MBD5: variants seen among roughly 807,000 people sequenced by gnomAD.
MBD5 encodes the protein methyl-CpG binding domain protein 5, also known as methyl-CpG-binding domain protein 5.
In MBD5, 13 loss-of-function variants were observed where a neutral mutation model predicts 117.3. The observed-to-expected ratio is 0.11, with a 90% confidence interval of 0.07 to 0.18. The LOEUF (loss-of-function observed/expected upper bound fraction) is 0.18, where lower values mean the gene tolerates loss of function less well. Ranked by LOEUF, MBD5 falls within the 10% of genes least tolerant of loss-of-function variation. MBD5 has a pLI of 1.00. For synonymous variants in MBD5, 727 were observed against 766.4 expected, an observed-to-expected ratio of 0.95 and a Z score of 0.85; for missense variants, 1,879 against 2,093.8, an observed-to-expected ratio of 0.90 and a Z score of 2.00.
intron 3 of MBD5, among the ~76,000 whole-genome samples, chr2:148,246,620 T>C (rs1439443429): frequency 6.6e-6 from 1 of 151,778 alleles, no homozygotes; most frequent in Non-Finnish European, 1.5e-5. Flanking sequence ...AATACAAAAA[T>C]TAGCATGATG....
intron 1 of MBD5, among the ~76,000 whole-genome samples, chr2:148,139,119 C>T (rs1697244261): frequency 6.6e-6 from 1 of 152,078 alleles, no homozygotes; most frequent in South Asian, 2.1e-4. Context: ...TATTGATTAT[C>T]TATAATTTAT....
At chr2:148,396,869 G>A in intron 4 of MBD5, among the ~76,000 whole-genome samples, 1 of 152,154 alleles carries the variant, frequency 6.6e-6, no homozygotes, top group East Asian at 1.9e-4. Context: ...TATTGCCTGT[G>A]TCAGTTCCCT....
chr2:148,378,859 A>T (rs1704057954), intron 4 of MBD5, among the ~76,000 whole-genome samples: 2 of 152,234 alleles, frequency 1.3e-5, no homozygotes, highest in Non-Finnish European at 2.9e-5. Context: ...TCCATTGACC[A>T]GTTTGGAAAG....
intron 1 of MBD5, among the ~76,000 whole-genome samples, chr2:148,109,215 G>A (rs1305311322): frequency 6.6e-6 from 1 of 152,074 alleles, no homozygotes; most frequent in Non-Finnish European, 1.5e-5. Flanking sequence ...AGGCCAGGAG[G>A]TGGAGGCTGC....
intron 5 of MBD5, 106 bp from the exon 6 acceptor site, chr2:148,462,476 G>A (rs921263397): frequency 5.3e-6 from 4 of 754,380 alleles, no homozygotes; most frequent in African/African-American, 1.7e-5. Flanking sequence ...TTTCCCTAGT[G>A]GGAAAATATC....
At chr2:148,416,058 G>A (rs1254363695) in intron 4 of MBD5, among the ~76,000 whole-genome samples, 4 of 152,116 alleles carry the variant, frequency 2.6e-5, no homozygotes, top group African/African-American at 4.8e-5. Flanking sequence ...TGAGTTACCA[G>A]AGTTCTTGCA....
chr2:148,494,503 T>C (rs919362071), intron 11 of MBD5, among the ~76,000 whole-genome samples: 2 of 152,192 alleles, frequency 1.3e-5, no homozygotes, highest in Non-Finnish European at 2.9e-5. Flanking sequence ...GTGGAGATTT[T>C]TAACAGCCTG....
chr2:148,217,382 C>T (rs1699583833), intron 2 of MBD5, among the ~76,000 whole-genome samples: 1 of 152,150 alleles, frequency 6.6e-6, no homozygotes, highest in Non-Finnish European at 1.5e-5. Flanking sequence ...TCTCTCTCTG[C>T]ATCTGAGGCA....
chr2:148,105,226 T>C (rs1301569448), intron 1 of MBD5, among the ~76,000 whole-genome samples: 2 of 151,518 alleles, frequency 1.3e-5, no homozygotes, highest in Non-Finnish European at 2.9e-5. Flanking sequence ...TCTTTCTTTT[T>C]TTTTTTTTTT....
intron 4 of MBD5, among the ~76,000 whole-genome samples, chr2:148,364,810 C>T (rs966443396): frequency 1.3e-5 from 2 of 152,182 alleles, no homozygotes; most frequent in African/African-American, 2.4e-5. Flanking sequence ...AATATATATG[C>T]ACCCAATAGG....
chr2:148,021,331 C>G lies in MBD5; in HGVS notation c.-1278C>G, dbSNP rs567568912. The G allele has an allele frequency of 2.6e-6, 1 of 387,120 alleles. No homozygotes were observed. Among genetic ancestry groups the G allele is most frequent in the Admixed American group, 3.2e-5 (1 of 31,658 alleles). The allele number at this position is 387,120 out of a possible 1,614,324, so 24.0% of individuals were successfully genotyped here. ...AGGAGTTTCTTCTTCTTCGAAAACC[C>G]CCATCCACGACTCCTACCCCCTCAC... On this transcript the variant is annotated 5_prime_UTR_variant, in exon 1 of 14. Coordinates refer to ENST00000642680, the MANE Select transcript of MBD5 (RefSeq NM_001378120.1).
At chr2:148,391,279 T>C (rs937048140) in intron 4 of MBD5, among the ~76,000 whole-genome samples, 4 of 110,006 alleles carry the variant, frequency 3.6e-5, no homozygotes, top group Middle Eastern at 5.1e-3. Context: ...GAACAGTATT[T>C]ACTGGGAAAA....
intron 4 of MBD5, among the ~76,000 whole-genome samples, chr2:148,352,265 A>G (rs1406612721): frequency 6.6e-6 from 1 of 152,074 alleles, no homozygotes; most frequent in East Asian, 1.9e-4. Flanking sequence ...AGAACAATTC[A>G]TATTTTTATA....
rs190951035 is a variant in MBD5, at chr2:148,479,559, T to C, written c.2519-3551T>C. Among the ~76,000 whole-genome samples, 20 of 152,300 alleles carry C rather than the reference T, an allele frequency of 1.3e-4. No homozygotes were observed. In the East Asian group the frequency reaches 3.9e-3, roughly 29 times the overall value. ...TGTCTTTAATGGTTTAGAAAGATGA[T>C]TTCAAATGTCTTCACTGCTTATCTA... On this transcript the variant is annotated intron_variant, in intron 8 of 13. Coordinates refer to ENST00000642680, the MANE Select transcript of MBD5 (RefSeq NM_001378120.1).
chr2:148,456,300 C>G (rs183177978), intron 4 of MBD5, among the ~76,000 whole-genome samples: 2 of 152,280 alleles, frequency 1.3e-5, no homozygotes, highest in Admixed American at 1.3e-4. Context: ...GGTCTTTTCA[C>G]TGCAAACTCA....
Position 148,458,890 on chromosome 2 carries a change from C to G in MBD5, c.113+19C>G. 6.3e-7 allele frequency: 1 copy of G among 1,577,244 alleles called. No homozygotes were observed. The highest frequency in any genetic ancestry group is 8.7e-7 in the Non-Finnish European group (1 of 1,146,828). On this transcript the variant is annotated intron_variant, in intron 5 of 13. Coordinates refer to ENST00000642680, the MANE Select transcript of MBD5 (RefSeq NM_001378120.1). ...ATGTCAGGTAAGTTCTTATTATTAC[C>G]TGTGGTACCTGCAAAGTTGTACTCC...
At chr2:148,186,949 T>C (rs1698675911) in intron 2 of MBD5, among the ~76,000 whole-genome samples, 1 of 152,244 alleles carries the variant, frequency 6.6e-6, no homozygotes, top group African/African-American at 2.4e-5. Flanking sequence ...TTAGAAAATA[T>C]ATTTTTTAGC....
chr2:148,209,148 C>G (rs780552476), intron 2 of MBD5, among the ~76,000 whole-genome samples: 1 of 152,118 alleles, frequency 6.6e-6, no homozygotes, highest in Non-Finnish European at 1.5e-5. Flanking sequence ...GAGCATACAA[C>G]TGAATTTGCT....
At chr2:148,182,684 C>T (rs1238670273) in intron 2 of MBD5, among the ~76,000 whole-genome samples, 1 of 152,160 alleles carries the variant, frequency 6.6e-6, no homozygotes, top group Non-Finnish European at 1.5e-5. Context: ...ATCTTTAATG[C>T]TTTTTGGTCA....
Sources: gnomAD v4.1 joint callset for allele counts (sites outside exome capture counted in the v4.1 genomes callset) on GRCh38, gnomAD v4.1.1 for gene constraint, MANE v1.5 for transcripts, NCBI Gene and HGNC (gene_info 2026-07-23, HGNC 2026-07-21) for gene names.